The following MYT1L variants were observed in gnomAD, a reference collection of about 807,000 sequenced individuals.
MYT1L encodes the protein myelin transcription factor 1 like, also known as myelin transcription factor 1-like protein.
Under a neutral mutation model 126.7 loss-of-function variants are expected in MYT1L, and 12 were observed. The observed-to-expected ratio is 0.09, with a 90% CI of 0.06 to 0.15. The LOEUF (loss-of-function observed/expected upper bound fraction) is 0.15, where lower values mean the gene tolerates loss of function less well. Among genes scored for constraint, MYT1L ranks in the 10% least tolerant of loss-of-function variants. The pLI is 1.00. For missense variants in MYT1L, 979 were observed against 1,585.2 expected (o/e 0.62, Z 6.49); for synonymous variants, 541 against 604.2 (o/e 0.90, Z 1.53).
chr2:1,938,796 T>G (rs1323450364), intron 9 of MYT1L, among the ~76,000 whole-genome samples: 1 of 152,234 alleles, frequency 6.6e-6, no homozygotes, highest in Non-Finnish European at 1.5e-5. Flanking sequence ...TATTGGAAAC[T>G]TACATTATTA....
At chr2:2,150,487 T>G (rs1288435246) in intron 3 of MYT1L, among the ~76,000 whole-genome samples, 1 of 152,236 alleles carries the variant, frequency 6.6e-6, no homozygotes, top group African/African-American at 2.4e-5. Flanking sequence ...AAGTACAGTT[T>G]GAACACCAGG....
intron 14 of MYT1L, among the ~76,000 whole-genome samples, chr2:1,899,617 C>T (rs562956082): frequency 2.0e-5 from 3 of 152,328 alleles, no homozygotes; most frequent in South Asian, 2.1e-4. Flanking sequence ...CACGGGTCTC[C>T]GTCCTGGCCT....
At chr2:2,315,602 G>A (rs189887511) in intron 1 of MYT1L, among the ~76,000 whole-genome samples, 24 of 152,088 alleles carry the variant, frequency 1.6e-4, no homozygotes, top group Admixed American at 1.5e-3. Flanking sequence ...TTGTTTTCAG[G>A]GTGCCTTCCT....
intron 3 of MYT1L, among the ~76,000 whole-genome samples, chr2:2,106,911 C>T (rs191794982): frequency 1.8e-4 from 27 of 152,292 alleles, no homozygotes; most frequent in East Asian, 5.8e-4. Flanking sequence ...ACAGCTTCCA[C>T]GGCCAGACTA....
intron 5 of MYT1L, among the ~76,000 whole-genome samples, chr2:1,994,766 A>T (rs114640144): frequency 2.6e-5 from 4 of 152,240 alleles, no homozygotes; most frequent in Non-Finnish European, 5.9e-5. Flanking sequence ...AAAAAAATTT[A>T]AAATTAAAAA....
intron 3 of MYT1L, among the ~76,000 whole-genome samples, chr2:2,087,695 G>A (rs1005807015): frequency 1.6e-4 from 25 of 152,204 alleles, no homozygotes; most frequent in African/African-American, 5.8e-4. Context: ...TGAACTGAAT[G>A]TAGTTCCTAT....
At chr2:1,845,981 C>A (rs1005001448) in intron 19 of MYT1L, among the ~76,000 whole-genome samples, 1 of 152,206 alleles carries the variant, frequency 6.6e-6, no homozygotes, top group African/African-American at 2.4e-5. Context: ...CTCTCCTGGG[C>A]TCCAACCCAC....
intron 18 of MYT1L, among the ~76,000 whole-genome samples, chr2:1,859,946 G>C (rs1431918816): frequency 6.6e-6 from 1 of 152,236 alleles, no homozygotes; most frequent in Non-Finnish European, 1.5e-5. Flanking sequence ...GCTGCGGTTT[G>C]GCTGTTTGGG....
chr2:2,147,656 G>A (rs1466565936), intron 3 of MYT1L, among the ~76,000 whole-genome samples: 1 of 152,218 alleles, frequency 6.6e-6, no homozygotes, highest in Non-Finnish European at 1.5e-5. Flanking sequence ...GCAGGACGGG[G>A]GGCGGGTGGG....
In MYT1L at chr2:1,835,417, G is replaced by C. The variant is rs547126841; in HGVS notation, c.3080+3732C>G. 1.3e-5 allele frequency among the ~76,000 whole-genome samples: 2 copies of C among 152,162 alleles called. 1 individual carries two copies. Among genetic ancestry groups the C allele is most frequent in the Admixed American group, 1.3e-4 (2 of 15,272 alleles). ...AAGAATGGTTGCATGGATACTCAAA[G>C]CACCATTTCTACCAAGTGTGTATTG... On this transcript the variant is annotated intron_variant, in intron 21 of 24. Coordinates refer to ENST00000647738, the MANE Select transcript of MYT1L (RefSeq NM_001303052.2).
At chr2:1,994,805 T>G (rs2061701055) in intron 5 of MYT1L, among the ~76,000 whole-genome samples, 1 of 152,236 alleles carries the variant, frequency 6.6e-6, no homozygotes, top group Non-Finnish European at 1.5e-5. Context: ...TAGAAAAATA[T>G]TACTGGAACT....
intron 20 of MYT1L, among the ~76,000 whole-genome samples, chr2:1,840,115 A>G (rs1457556547): frequency 3.3e-5 from 5 of 152,204 alleles, no homozygotes; most frequent in Non-Finnish European, 7.4e-5. Flanking sequence ...TGCATTACCT[A>G]TTTATTTTGA....
intron 2 of MYT1L, among the ~76,000 whole-genome samples, chr2:2,253,433 A>G (rs1475822401): frequency 6.6e-6 from 1 of 152,232 alleles, no homozygotes; most frequent in Non-Finnish European, 1.5e-5. Context: ...GGGAAATCTC[A>G]GTAATGGCGT....
intron 8 of MYT1L, among the ~76,000 whole-genome samples, chr2:1,947,080 G>A (rs145754162): frequency 8.5e-5 from 13 of 152,168 alleles, no homozygotes; most frequent in East Asian, 3.9e-4. Context: ...CTGCACTGAG[G>A]CCACCTGCAC....
In MYT1L at chr2:1,886,653, G is replaced by T. The variant is rs539724809; in HGVS notation, c.2643-46C>A. 12 of 1,325,942 alleles carry T rather than the reference G, an allele frequency of 9.1e-6. No individual in the cohort carries two copies. The African/African-American group carries it at 1.4e-4, about 15-fold the overall frequency. The allele number at this position is 1,325,942 out of a possible 1,614,324, so 82.1% of individuals were successfully genotyped here. On this transcript the variant is annotated intron_variant, in intron 17 of 24. Transcript: ENST00000647738. The stretch of plus-strand genomic sequence containing the variant: ...GGCAGGTCAGTCAACTGCGAAGCGC[G>T]TAACTCCCAAACAAACACAACATAA...
At chr2:2,124,244 C>T (rs892920368) in intron 3 of MYT1L, among the ~76,000 whole-genome samples, 2 of 152,184 alleles carry the variant, frequency 1.3e-5, no homozygotes, top group African/African-American at 4.8e-5. Context: ...TTTGAAAATA[C>T]AACCACATAA....
At chr2:2,251,103 A>C (rs935539200) in intron 2 of MYT1L, among the ~76,000 whole-genome samples, 2 of 152,202 alleles carry the variant, frequency 1.3e-5, no homozygotes, top group African/African-American at 4.8e-5. Flanking sequence ...ATATGATAAA[A>C]GCTATTACCT....
chr2:1,956,442 C>G (rs1209844661), intron 8 of MYT1L, among the ~76,000 whole-genome samples: 1 of 75,870 alleles, frequency 1.3e-5, no homozygotes, highest in Non-Finnish European at 2.4e-5. Flanking sequence ...ATCTATCTAC[C>G]TATCATCTAT....
At chr2:2,168,904 T>A (rs1416190903) in intron 3 of MYT1L, among the ~76,000 whole-genome samples, 1 of 152,178 alleles carries the variant, frequency 6.6e-6, no homozygotes, top group African/African-American at 2.4e-5. Context: ...TGGTCTTCAC[T>A]GGGGAGCTGC....
Sources: gnomAD v4.1 joint callset for allele counts (sites outside exome capture counted in the v4.1 genomes callset) on GRCh38, gnomAD v4.1.1 for gene constraint, MANE v1.5 for transcripts, NCBI Gene and HGNC (gene_info 2026-07-23, HGNC 2026-07-21) for gene names.